The following CIITA variants were observed in gnomAD, a reference collection of about 807,000 sequenced individuals.
CIITA encodes MHC class II transactivator.
CIITA carries 72 observed loss-of-function variants against 115.1 expected under a neutral mutation model. The observed-to-expected ratio is 0.63, with a 90% CI of 0.52 to 0.76. The LOEUF is 0.76. Ranked by LOEUF, CIITA falls within the 30% of genes least tolerant of loss-of-function variation. CIITA has a pLI of 0.00. For synonymous variants in CIITA, 763 were observed against 635.6 expected, an observed-to-expected ratio of 1.20 and a Z score of -3.02; for missense variants, 1,617 against 1,463.8, an observed-to-expected ratio of 1.10 and a Z score of -1.71.
Position 10,942,238 on chromosome 16 carries a change from G to A in CIITA, n.1364G>A. 1 of 374,328 alleles carries A rather than the reference G, an allele frequency of 2.7e-6. No individual in the cohort carries two copies. The highest frequency in any genetic ancestry group is 4.8e-6 in the Non-Finnish European group (1 of 209,692). The allele number at this position is 374,328 out of a possible 1,614,324, so 23.2% of individuals were successfully genotyped here. ...AGGATCTCTCGACCGCCCGGGCGGCGAGGCGGGCCCCCCTGAAGTGGCCCG... is the reference window on the plus strand; with the variant it reads ...AGGATCTCTCGACCGCCCGGGCGGCAAGGCGGGCCCCCCTGAAGTGGCCCG... On this transcript the variant is annotated non_coding_transcript_exon_variant, in exon 2 of 2. Transcript: ENST00000573379. This position sits in a 1 kb window ranked among gnomAD's most constrained non-coding sequence, Gnocchi z 5.0.
chr16:10,878,848 C>A (rs761274729), intron 1 of CIITA: 13 of 230,214 alleles, frequency 5.6e-5, no homozygotes, highest in Non-Finnish European at 9.5e-5. Flanking sequence ...ACGTGGTGGC[C>A]ACAGTAGGTG....
intron 13 of CIITA, chr16:10,915,210 T>C (rs6498129): frequency 0.99 from 368,512 of 372,144 alleles, 182,592 homozygotes; most frequent in East Asian, 1. Flanking sequence ...CCACCACACT[T>C]GGCTAATTAT....
At chr16:10,892,883 T>C (rs8053246) in intron 1 of CIITA, among the ~76,000 whole-genome samples, 10,507 of 151,918 alleles carry the variant, frequency 0.069, 1,243 homozygotes, top group East Asian at 0.33. Flanking sequence ...AGTGAGCCGA[T>C]ACAGCGCCAC....
At position 10,928,888 on chromosome 16, in the gene CIITA, G is replaced by A. The variant is rs1596638126; in HGVS notation, c.*5033G>A. Reference sequence around the variant, plus strand: ...GTTAAAAAAAAAGGCAGGGCCCCAGGGGTTGGAGTTGCATACATTTTTTTT... The same window carrying A: ...GTTAAAAAAAAAGGCAGGGCCCCAGAGGTTGGAGTTGCATACATTTTTTTT... On this transcript the variant is annotated 3_prime_UTR_variant, in exon 20 of 20. Coordinates refer to ENST00000324288, the MANE Select transcript of CIITA (RefSeq NM_000246.4). 1 of 152,608 alleles carries A rather than the reference G, an allele frequency of 6.6e-6. No homozygotes were observed. The highest frequency in any genetic ancestry group is 2.4e-5 in the African/African-American group (1 of 41,436). The allele number at this position is 152,608 out of a possible 1,614,324, so 9.5% of individuals were successfully genotyped here.
At chr16:10,895,913 C>T (rs45601738) in intron 3 of CIITA, 149 bp downstream of exon 3, 64,389 of 815,750 alleles carry the variant, frequency 0.079, 4,014 homozygotes, top group East Asian at 0.31. Context: ...GCTGGAGGAA[C>T]GGAGACTCCA....
In CIITA at chr16:10,881,590, C is replaced by G. The variant is rs190255545; in HGVS notation, c.52+4208C>G. Reference sequence around the variant, plus strand: ...TTTAGTAACATTGTTTCTTTTTCAACCACAAGTGATACTGTTGGTTTGGTT... The same window carrying G: ...TTTAGTAACATTGTTTCTTTTTCAAGCACAAGTGATACTGTTGGTTTGGTT... On this transcript the variant is annotated intron_variant, in intron 1 of 19. Coordinates refer to ENST00000324288, the MANE Select transcript of CIITA (RefSeq NM_000246.4). 1.0e-3 allele frequency among the ~76,000 whole-genome samples: 156 copies of G among 152,266 alleles called. 4 individuals are homozygous for G. In the South Asian group the frequency reaches 0.031, roughly 30 times the overall value.
Position 10,906,506 on chromosome 16 carries a change from G to A in CIITA, c.1014G>A (p.Val338=). Residue 338 remains valine, a synonymous_variant, in exon 11 of 20, where the codon GTG becomes GTA. Transcript: ENST00000324288. ...CGCCCCTGGCCTTTGCAGAGCCGGT[G>A]GAGCAGTTCTACCGCTCACTGCAGG... ...SNKLPKWPEP[V]EQFYRSLQDT... The A allele has an allele frequency of 1.9e-6, 3 of 1,611,856 alleles. No individual in the cohort carries two copies. The highest frequency in any genetic ancestry group is 2.5e-6 in the Non-Finnish European group (3 of 1,179,890).
chr16:10,901,572 G>C lies in CIITA; in HGVS notation c.481+14G>C. 1 of 1,613,592 alleles carries C rather than the reference G, an allele frequency of 6.2e-7. No individual in the cohort carries two copies. The highest frequency in any genetic ancestry group is 8.5e-7 in the Non-Finnish European group (1 of 1,179,826). On this transcript the variant is annotated intron_variant, in intron 6 of 19. Coordinates refer to ENST00000324288, the MANE Select transcript of CIITA (RefSeq NM_000246.4). The surrounding 1 kb of genome is among the most constrained non-coding windows in gnomAD (Gnocchi z 6.8). ...ACTGGAAGCCAGGTGTGCAGGGCAG[G>C]TGGGCTGGGGTTGGGAAGGGTGGAT...
Position 10,902,781 on chromosome 16 carries a change from C to T in CIITA, c.752C>T (p.Ser251Phe), listed in dbSNP as rs2038874752. The T allele has an allele frequency of 6.2e-7, 1 of 1,614,074 alleles. No individual in the cohort carries two copies. The highest frequency in any genetic ancestry group is 1.3e-5 in the African/African-American group (1 of 74,908). ...ATCTCTGAGGCTGGAACAGGGGTCT[C>T]CAGTATATTCATCTACCATGGTGAG... is the stretch of plus-strand genomic sequence containing the variant. ...WQISEAGTGV[S>F]SIFIYHGEVP... The change falls in exon 8 of 20, where the codon TCC becomes TTC. Residue 251 changes from serine to phenylalanine, a missense_variant. Physicochemically the swap from Ser to Phe is radical, Grantham distance 155. Coordinates refer to ENST00000324288, the MANE Select transcript of CIITA (RefSeq NM_000246.4).
At chr16:10,908,776 A>C (rs772948947) in intron 11 of CIITA, 1 of 614,164 alleles carries the variant, frequency 1.6e-6, no homozygotes, top group Non-Finnish European at 2.9e-6. Flanking sequence ...AAGGTCCTAC[A>C]TAATTGTGCC....
downstream of CIITA, chr16:10,936,482 A>C (rs2041025180): frequency 6.6e-6 from 1 of 152,244 alleles, no homozygotes; most frequent in African/African-American, 2.4e-5. Flanking sequence ...ATACAAACAG[A>C]GGGAAGAGCA....
At position 10,920,924 on chromosome 16, in the gene CIITA, C is replaced by A. The variant is rs1434144922; in HGVS notation, c.3150-1243C>A. Among the ~76,000 whole-genome samples, 1 of 152,084 alleles carries A rather than the reference C, an allele frequency of 6.6e-6. No homozygotes were observed. The highest frequency in any genetic ancestry group is 1.5e-5 in the Non-Finnish European group (1 of 68,000). On this transcript the variant is annotated intron_variant, in intron 16 of 19. Transcript: ENST00000324288. This position sits in a 1 kb window ranked among gnomAD's most constrained non-coding sequence, Gnocchi z 4.5. The stretch of plus-strand genomic sequence containing the variant: ...CAGAGTTTCGCTCTTGTTGCCAAGG[C>A]TGGAGTGCAGTCTCAGTTCACTGCA...
intron 18 of CIITA, chr16:10,922,893 T>C: frequency 2.0e-6 from 1 of 497,644 alleles, no homozygotes; most frequent in South Asian, 2.3e-5. Context: ...TTATATTCTT[T>C]CAAAGCACTT....
chr16:10,918,057 G>T (rs935851685), intron 15 of CIITA, among the ~76,000 whole-genome samples: 2 of 152,206 alleles, frequency 1.3e-5, no homozygotes, highest in South Asian at 4.1e-4. Flanking sequence ...TCTAGGCACA[G>T]GGATACAGTA....
In CIITA at chr16:10,907,115, C is replaced by T. The variant is rs1196361559; in HGVS notation, c.1623C>T (p.Cys541=). 8 of 1,611,172 alleles carry T rather than the reference C, an allele frequency of 5.0e-6. No homozygotes were observed. Among genetic ancestry groups the T allele is most frequent in the Non-Finnish European group, 6.8e-6 (8 of 1,179,794 alleles). The change falls in exon 11 of 20, where the codon TGC becomes TGT. Residue 541 remains cysteine, a synonymous_variant. Coordinates refer to ENST00000324288, the MANE Select transcript of CIITA (RefSeq NM_000246.4). This position sits in a 1 kb window ranked among gnomAD's most constrained non-coding sequence, Gnocchi z 5.0. Reference sequence around the variant, plus strand: ...TCCAGAAGAAGCTGCTCCGAGGTTGCACCCTCCTCCTCACAGCCCGGCCCC... The same window carrying T: ...TCCAGAAGAAGCTGCTCCGAGGTTGTACCCTCCTCCTCACAGCCCGGCCCC... The part of the protein sequence containing the change: ...GLFQKKLLRG[C]TLLLTARPRG...
intron 10 of CIITA, among the ~76,000 whole-genome samples, chr16:10,905,270 C>T (rs2039057591): frequency 6.6e-6 from 1 of 152,208 alleles, no homozygotes; most frequent in South Asian, 2.1e-4. Flanking sequence ...ATATTATCCC[C>T]ATTTTCCAGA....
chr16:10,891,539 C>T (rs2037581892), intron 1 of CIITA, among the ~76,000 whole-genome samples: 1 of 152,188 alleles, frequency 6.6e-6, no homozygotes, highest in South Asian at 2.1e-4. Flanking sequence ...TCACACAACT[C>T]ATTCACGGAG....
At chr16:10,869,806 G>A (rs867515921) in intron 1 of CIITA, among the ~76,000 whole-genome samples, 24 of 152,086 alleles carry the variant, frequency 1.6e-4, no homozygotes, top group Admixed American at 7.2e-4. Context: ...ACTGCGCCTG[G>A]CTCCCCACCT....
At chr16:10,896,711 G>T (rs147872287) in intron 3 of CIITA, among the ~76,000 whole-genome samples, 113 of 152,316 alleles carry the variant, frequency 7.4e-4, no homozygotes, top group African/African-American at 2.6e-3. Context: ...GGGCACCTGT[G>T]TGCAGTGAAC....
Sources: gnomAD v4.1 joint callset for allele counts (sites outside exome capture counted in the v4.1 genomes callset) on GRCh38, gnomAD v4.1.1 for gene constraint, Gnocchi (gnomAD v3.1) non-coding constraint, MANE v1.5 for transcripts, NCBI Gene and HGNC (gene_info 2026-07-23, HGNC 2026-07-21) for gene names.